Variants in TBC1D7 observed in about 807,000 individuals in gnomAD.
TBC1D7 encodes the protein TBC1 domain family member 7.
Under a neutral mutation model 35.3 loss-of-function variants are expected in TBC1D7, and 33 were observed. The ratio of observed to expected loss-of-function variants is 0.93; its 90% confidence interval spans 0.71 to 1.25. The LOEUF is 1.25. Ranked by LOEUF, TBC1D7 falls within the 50% of genes most tolerant of loss-of-function variation. The probability of loss-of-function intolerance (pLI) is 0.00; values close to 1 mark genes in which losing one functional copy is unlikely to be tolerated. For missense variants in TBC1D7, 362 were observed against 365.3 expected (o/e 0.99, Z 0.07); for synonymous variants, 135 against 129.5 (o/e 1.04, Z -0.29).
At chr6:13,320,183 A>AAGCAATAT (rs1783928141) in intron 4 of TBC1D7, 3 of 152,850 alleles carry the variant, frequency 2.0e-5, no homozygotes, top group Admixed American at 1.3e-4. Flanking sequence ...CCCAAGTCAA[A>AAGCAATAT]GGAGACTAAA....
chr6:13,315,507 A>T (rs1408757563), intron 5 of TBC1D7, among the ~76,000 whole-genome samples: 1 of 152,144 alleles, frequency 6.6e-6, no homozygotes, highest in Non-Finnish European at 1.5e-5. Context: ...TGAGGTCAGG[A>T]GTTCAAGACC....
chr6:13,320,144 G>C (rs117770698), intron 4 of TBC1D7: 1 of 152,358 alleles, frequency 6.6e-6, no homozygotes, highest in Non-Finnish European at 1.5e-5. Flanking sequence ...AATGTCAAAG[G>C]CATGAAAGAT....
At chr6:13,327,648 T>C (rs979221390) in intron 1 of TBC1D7, 5 of 152,038 alleles carry the variant, frequency 3.3e-5, no homozygotes, top group African/African-American at 9.7e-5. Flanking sequence ...AAAGTCAGAG[T>C]TGAAGACGGA....
intron 5 of TBC1D7, among the ~76,000 whole-genome samples, chr6:13,307,998 G>A (rs1256572192): frequency 6.6e-6 from 1 of 152,178 alleles, no homozygotes; most frequent in Non-Finnish European, 1.5e-5. Context: ...GCAGTCCCAG[G>A]CAAAATGGAA....
chr6:13,317,572 GA>G (rs1783723477), intron 4 of TBC1D7, among the ~76,000 whole-genome samples: 1 of 152,080 alleles, frequency 6.6e-6, no homozygotes, highest in Non-Finnish European at 1.5e-5. Context: ...AAAATGTCAA[GA>G]AAAACATAAT....
chr6:13,326,655 C>A, intron 2 of TBC1D7, 132 bp downstream of exon 2: 1 of 509,408 alleles, frequency 2.0e-6, no homozygotes, highest in Non-Finnish European at 3.4e-6. Flanking sequence ...CAAAATACAC[C>A]ATTCTGCTTC....
intron 7 of TBC1D7, chr6:13,305,501 G>A: frequency 2.4e-6 from 1 of 410,516 alleles, no homozygotes; most frequent in East Asian, 5.8e-5. Context: ...GTTCACAGTA[G>A]GACATGAGGT....
chr6:13,317,158 T>C (rs1383491953), intron 4 of TBC1D7, among the ~76,000 whole-genome samples: 1 of 152,234 alleles, frequency 6.6e-6, no homozygotes, highest in Admixed American at 6.5e-5. Context: ...AAGCATTTGC[T>C]TTATTTCAAA....
intron 3 of TBC1D7, chr6:13,323,705 C>T (rs1784208700): frequency 1.3e-5 from 2 of 152,280 alleles, no homozygotes; most frequent in Admixed American, 1.3e-4. Context: ...TTCTGCAGGC[C>T]TTCCTAGTAC....
Position 13,305,198 on chromosome 6 carries a change from G to A in TBC1D7, c.796-11C>T. ...GCTGTCCTGGGGAATCTGTGGGCAA[G>A]CAAATCAGTCTTTGTGAAATTTCAG... On this transcript the variant is annotated splice_polypyrimidine_tract_variant and intron_variant, in intron 7 of 7. Transcript: ENST00000379300. 1 of 1,613,912 alleles carries A rather than the reference G, an allele frequency of 6.2e-7. No individual in the cohort carries two copies.
chr6:13,317,624 A>C (rs887973870), intron 4 of TBC1D7, among the ~76,000 whole-genome samples: 1 of 152,248 alleles, frequency 6.6e-6, no homozygotes, highest in Non-Finnish European at 1.5e-5. Context: ...CATTTTATTA[A>C]TGTGTCAAAG....
intron 7 of TBC1D7, among the ~76,000 whole-genome samples, chr6:13,305,407 C>T (rs894282286): frequency 3.3e-5 from 5 of 152,138 alleles, no homozygotes; most frequent in African/African-American, 1.2e-4. Context: ...TAACTGTGCA[C>T]CCCCGGGCAG....
intron 3 of TBC1D7, among the ~76,000 whole-genome samples, chr6:13,324,133 G>T (rs147490659): frequency 6.8e-5 from 10 of 146,502 alleles, no homozygotes; most frequent in African/African-American, 2.0e-4. Context: ...TTTGTTTTTT[G>T]TTTTTTTTTT....
chr6:13,316,852 C>A lies in TBC1D7; in HGVS notation c.382-144G>T, dbSNP rs480122. 0.21 allele frequency: 203,634 copies of A among 962,006 alleles called. 24,615 individuals are homozygous for A. The highest frequency in any genetic ancestry group is 0.39 in the East Asian group (15,667 of 39,690). 59.6% of individuals were successfully genotyped at this position (962,006 alleles called of 1,614,324 possible). ...AGTAGGATCAAAAAGCACAGAGTCC[C>A]TCCCTGAAGAGGGGAGCAAGGGGGA... On this transcript the variant is annotated intron_variant, in intron 4 of 7. Coordinates refer to ENST00000379300, the MANE Select transcript of TBC1D7 (RefSeq NM_016495.6).
rs1235641546 is a variant in TBC1D7 at position 13,305,164 on chromosome 6, C to T, written c.819G>A (p.Ala273=). The change falls in exon 8 of 8, where the codon GCG becomes GCA. Residue 273 remains alanine (A), a synonymous_variant. Transcript: ENST00000379300. ...LENIPQDSSD[A]IVSKAIDLWH... ...ACAAGTCAATGGCCTTGCTCACGAT[C>T]GCGTCTGAGCTGTCCTGGGGAATCT... 9 of 1,614,050 alleles carry T rather than the reference C, an allele frequency of 5.6e-6. No individual in the cohort carries two copies. Among genetic ancestry groups the T allele is most frequent in the South Asian group, 3.3e-5 (3 of 91,070 alleles).
chr6:13,310,663 T>G (rs59639740), intron 5 of TBC1D7, among the ~76,000 whole-genome samples: 32,129 of 131,152 alleles, frequency 0.24, 4,777 homozygotes, highest in South Asian at 0.35. Context: ...AGAATATTGT[T>G]TAAGAATATA....
At chr6:13,314,666 A>T (rs1171665396) in intron 5 of TBC1D7, among the ~76,000 whole-genome samples, 1 of 152,170 alleles carries the variant, frequency 6.6e-6, no homozygotes, top group Non-Finnish European at 1.5e-5. Context: ...AAATATATAA[A>T]AACTGCTCTT....
intron 3 of TBC1D7, among the ~76,000 whole-genome samples, chr6:13,321,842 T>C (rs956470399): frequency 6.6e-6 from 1 of 152,076 alleles, no homozygotes; most frequent in Non-Finnish European, 1.5e-5. Flanking sequence ...CAAATGCTTC[T>C]CCACAGAATG....
chr6:13,314,034 C>A (rs371234838), intron 5 of TBC1D7, among the ~76,000 whole-genome samples: 1 of 151,980 alleles, frequency 6.6e-6, no homozygotes, highest in Non-Finnish European at 1.5e-5. Flanking sequence ...CTGGCTAACA[C>A]GGTGAAACCC....
Sources: gnomAD v4.1 joint callset for allele counts (sites outside exome capture counted in the v4.1 genomes callset) on GRCh38, gnomAD v4.1.1 for gene constraint, MANE v1.5 for transcripts, NCBI Gene and HGNC (gene_info 2026-07-23, HGNC 2026-07-21) for gene names.